Variants in NKAIN2 observed in about 807,000 individuals in gnomAD.
The protein encoded by NKAIN2 is sodium/potassium-transporting ATPase subunit beta-1-interacting protein 2.
In NKAIN2, 14 loss-of-function variants were observed where a neutral mutation model predicts 32.6. That is an observed-to-expected ratio of 0.43 (90% CI 0.28 to 0.67). The LOEUF (loss-of-function observed/expected upper bound fraction) is 0.67. NKAIN2 is among the 30% of genes least tolerant of loss of function. The probability of loss-of-function intolerance (pLI) is 0.17; values close to 1 mark genes in which losing one functional copy is unlikely to be tolerated. For synonymous variants in NKAIN2, 80 were observed against 87.2 expected, an observed-to-expected ratio of 0.92 and a Z score of 0.46; for missense variants, 198 against 258.3, an observed-to-expected ratio of 0.77 and a Z score of 1.60.
At chr6:124,546,743 C>T (rs1011736400) in intron 3 of NKAIN2, among the ~76,000 whole-genome samples, 1 of 152,048 alleles carries the variant, frequency 6.6e-6, no homozygotes, top group African/African-American at 2.4e-5. Context: ...GAAATCAAGT[C>T]ATCCACAAGC....
intron 4 of NKAIN2, among the ~76,000 whole-genome samples, chr6:124,780,826 G>A (rs903640456): frequency 1.6e-4 from 24 of 152,102 alleles, no homozygotes; most frequent in African/African-American, 5.8e-4. Flanking sequence ...GTGTGTAGAA[G>A]CACGTGTAAG....
intron 1 of NKAIN2, among the ~76,000 whole-genome samples, chr6:124,257,510 G>T (rs1263554179): frequency 2.0e-5 from 3 of 152,032 alleles, no homozygotes; most frequent in East Asian, 3.9e-4. Context: ...TATAAAATTA[G>T]AAATTATTTA....
At chr6:124,820,392 G>A (rs1052062803) in intron 6 of NKAIN2, among the ~76,000 whole-genome samples, 15 of 152,070 alleles carry the variant, frequency 9.9e-5, no homozygotes, top group African/African-American at 3.4e-4. Context: ...AATAGAGATC[G>A]CATACAGACT....
intron 1 of NKAIN2, among the ~76,000 whole-genome samples, chr6:124,228,836 A>G (rs1792266023): frequency 6.6e-6 from 1 of 152,180 alleles, no homozygotes; most frequent in Admixed American, 6.5e-5. Flanking sequence ...GTCAATGCAA[A>G]GCAATGTATA....
chr6:123,846,796 T>G (rs1198584922), intron 1 of NKAIN2, among the ~76,000 whole-genome samples: 1 of 151,982 alleles, frequency 6.6e-6, no homozygotes, highest in Non-Finnish European at 1.5e-5. Flanking sequence ...TAAAGGCATT[T>G]TCATTCTATT....
At chr6:124,705,252 G>C (rs770524440) in intron 4 of NKAIN2, among the ~76,000 whole-genome samples, 1 of 152,082 alleles carries the variant, frequency 6.6e-6, no homozygotes, top group Non-Finnish European at 1.5e-5. Context: ...GAGTCCTTTA[G>C]TTATTATTAA....
chr6:124,424,541 C>G (rs1357492600), intron 3 of NKAIN2, among the ~76,000 whole-genome samples: 1 of 152,140 alleles, frequency 6.6e-6, no homozygotes, highest in African/African-American at 2.4e-5. Context: ...TACCCTTTAA[C>G]CAACATCTCA....
At chr6:123,906,106 A>G (rs192252283) in intron 1 of NKAIN2, among the ~76,000 whole-genome samples, 6 of 152,310 alleles carry the variant, frequency 3.9e-5, no homozygotes, top group Non-Finnish European at 8.8e-5. Context: ...GTAAATTTGA[A>G]TATTTCTCCA....
intron 1 of NKAIN2, among the ~76,000 whole-genome samples, chr6:123,867,624 T>C (rs1772603407): frequency 6.6e-6 from 1 of 152,238 alleles, no homozygotes; most frequent in South Asian, 2.1e-4. Context: ...GTGGTTTCCA[T>C]GCTGTTTTAT....
At chr6:124,513,742 G>A (rs1385201735) in intron 3 of NKAIN2, among the ~76,000 whole-genome samples, 1 of 152,136 alleles carries the variant, frequency 6.6e-6, no homozygotes, top group Non-Finnish European at 1.5e-5. Context: ...CATATAGAAA[G>A]CTGAGAACCA....
Position 124,695,846 on chromosome 6 carries a change from C to G in NKAIN2, c.474+37460C>G, listed in dbSNP as rs1157852132. 3.3e-5 allele frequency among the ~76,000 whole-genome samples: 5 copies of G among 152,162 alleles called. No homozygotes were observed. The East Asian group carries it at 5.8e-4, about 18-fold the overall frequency. ...CATAAGGGCCATGGCCAACACTCCT[C>G]TAAGTAAAGACTGGTTAACAAGAGA... is the stretch of plus-strand genomic sequence containing the variant. On this transcript the variant is annotated intron_variant, in intron 4 of 6. Transcript: ENST00000368417.
chr6:124,667,833 A>T (rs1340126990), intron 4 of NKAIN2, among the ~76,000 whole-genome samples: 1 of 152,112 alleles, frequency 6.6e-6, no homozygotes, highest in African/African-American at 2.4e-5. Flanking sequence ...GGGCAGACAC[A>T]CTTAAGCTAA....
intron 4 of NKAIN2, among the ~76,000 whole-genome samples, chr6:124,751,682 A>G (rs189610203): frequency 8.6e-5 from 13 of 152,012 alleles, no homozygotes; most frequent in African/African-American, 2.9e-4. Context: ...ATTTACATTA[A>G]AAGACAGAGA....
intron 1 of NKAIN2, among the ~76,000 whole-genome samples, chr6:124,007,552 G>T (rs1780127552): frequency 6.6e-6 from 1 of 152,122 alleles, no homozygotes; most frequent in African/African-American, 2.4e-5. Flanking sequence ...TTGAAAATTT[G>T]CTCTGAACCA....
At chr6:124,684,849 C>T (rs1562323131) in intron 4 of NKAIN2, among the ~76,000 whole-genome samples, 1 of 152,156 alleles carries the variant, frequency 6.6e-6, no homozygotes, top group African/African-American at 2.4e-5. Flanking sequence ...ACCTAACATC[C>T]AGCCCCAGGC....
intron 3 of NKAIN2, among the ~76,000 whole-genome samples, chr6:124,564,320 G>C (rs971534362): frequency 3.3e-5 from 5 of 152,150 alleles, no homozygotes; most frequent in Admixed American, 2.0e-4. Context: ...TCTGTGTCTA[G>C]TAAAGGATTA....
intron 1 of NKAIN2, among the ~76,000 whole-genome samples, chr6:124,254,032 G>A (rs751165276): frequency 5.3e-5 from 8 of 151,444 alleles, no homozygotes; most frequent in Non-Finnish European, 1.0e-4. Context: ...GGCCAAGATG[G>A]TCTCGTTCTC....
At chr6:124,602,550 G>GA (rs1444455681) in intron 3 of NKAIN2, among the ~76,000 whole-genome samples, 5 of 151,560 alleles carry the variant, frequency 3.3e-5, no homozygotes, top group Non-Finnish European at 7.4e-5. Flanking sequence ...TGGATGGGGG[G>GA]ACAAAAAAAG....
intron 3 of NKAIN2, among the ~76,000 whole-genome samples, chr6:124,355,635 A>T (rs531532255): frequency 1.3e-5 from 2 of 152,172 alleles, no homozygotes; most frequent in East Asian, 1.9e-4. Flanking sequence ...CAAAATGTGA[A>T]TTTTTTTCAG....
Sources: gnomAD v4.1 joint callset for allele counts (sites outside exome capture counted in the v4.1 genomes callset) on GRCh38, gnomAD v4.1.1 for gene constraint, MANE v1.5 for transcripts, NCBI Gene and HGNC (gene_info 2026-07-23, HGNC 2026-07-21) for gene names.